Variants in CADPS2 observed in about 807,000 individuals in gnomAD.
The protein encoded by CADPS2 is calcium-dependent secretion activator 2.
A neutral mutation model predicts 172.5 loss-of-function variants in CADPS2; 93 were observed. That is an observed-to-expected ratio of 0.54 (90% confidence interval 0.46 to 0.64). The LOEUF (loss-of-function observed/expected upper bound fraction) is 0.64. CADPS2 is among the 30% of genes least tolerant of loss of function. CADPS2 has a pLI of 0.00. For synonymous variants in CADPS2, 546 were observed against 555.2 expected (o/e 0.98, Z 0.23); for missense variants, 1,420 against 1,565.9 (o/e 0.91, Z 1.57).
intron 2 of CADPS2, among the ~76,000 whole-genome samples, chr7:122,690,740 G>A: frequency 6.6e-6 from 1 of 152,090 alleles, no homozygotes; most frequent in Admixed American, 6.5e-5. Context: ...TCAATAAACT[G>A]CCCAGCTACA....
intron 6 of CADPS2, among the ~76,000 whole-genome samples, chr7:122,611,122 C>A (rs577856332): frequency 6.6e-5 from 10 of 152,142 alleles, no homozygotes; most frequent in African/African-American, 2.2e-4. Flanking sequence ...AAAGAAAGAT[C>A]TCAAATCAAA....
At chr7:122,719,957 A>G (rs1008373179) in intron 2 of CADPS2, among the ~76,000 whole-genome samples, 2 of 152,132 alleles carry the variant, frequency 1.3e-5, no homozygotes, top group African/African-American at 4.8e-5. Flanking sequence ...CAAAGAGGAA[A>G]GAACTTGCTC....
chr7:122,675,802 T>C (rs968397007), intron 2 of CADPS2, among the ~76,000 whole-genome samples: 2 of 151,832 alleles, frequency 1.3e-5, no homozygotes, highest in African/African-American at 4.8e-5. Flanking sequence ...GGGAACAACA[T>C]ACACCAGGGC....
chr7:122,422,447 A>G (rs909495113), intron 17 of CADPS2, among the ~76,000 whole-genome samples: 5 of 152,112 alleles, frequency 3.3e-5, no homozygotes, highest in Non-Finnish European at 7.4e-5. Context: ...GGTGGAATGG[A>G]TCCTTCCTTT....
At chr7:122,693,205 A>T (rs943938851) in intron 2 of CADPS2, among the ~76,000 whole-genome samples, 1 of 152,210 alleles carries the variant, frequency 6.6e-6, no homozygotes, top group Admixed American at 6.5e-5. Context: ...TGTTCTCTCC[A>T]TTAGAATGTC....
chr7:122,407,696 C>A lies in CADPS2; in HGVS notation c.2590G>T (p.Ala864Ser), dbSNP rs1268390975. The A allele has an allele frequency of 4.4e-6, 7 of 1,604,988 alleles. No homozygotes were observed. The highest frequency in any genetic ancestry group is 6.0e-6 in the Non-Finnish European group (7 of 1,175,720). ...AATAAATCAGGCCACCAGGCAAATGCCTACAAAAGGATAAAAACATAAAGG... is the reference window on the plus strand; with the variant it reads ...AATAAATCAGGCCACCAGGCAAATGACTACAAAAGGATAAAAACATAAAGG... ...NEEHHAEGRE[A>S]FAWWPDLLAE... The change falls in exon 20 of 30, where the codon GCA becomes TCA. Residue 864 changes from alanine (A) to serine (S), a missense_variant and splice_region_variant. Coordinates refer to ENST00000449022, the MANE Select transcript of CADPS2 (RefSeq NM_017954.11).
intron 25 of CADPS2, among the ~76,000 whole-genome samples, chr7:122,367,296 G>A (rs868489593): frequency 3.3e-5 from 5 of 151,138 alleles, no homozygotes; most frequent in East Asian, 3.9e-4. Context: ...GAGAGAAAGC[G>A]AGAGAGAGAG....
chr7:122,823,638 C>T (rs1346236561), intron 1 of CADPS2, among the ~76,000 whole-genome samples: 1 of 152,086 alleles, frequency 6.6e-6, no homozygotes, highest in Non-Finnish European at 1.5e-5. Context: ...AGTAGCAAGG[C>T]TCTATAATTA....
Position 122,452,839 on chromosome 7 carries a change from T to C in CADPS2, c.2187-1364A>G, listed in dbSNP as rs1265490627. On this transcript the variant is annotated intron_variant, in intron 14 of 29. Transcript: ENST00000449022. ...AAGAAAAATAAATGCTTAAAATAACTTTCCTAACAAGATTTTTATTTGTTC... is the reference window on the plus strand; with the variant it reads ...AAGAAAAATAAATGCTTAAAATAACCTTCCTAACAAGATTTTTATTTGTTC... 2.0e-5 allele frequency among the ~76,000 whole-genome samples: 3 copies of C among 152,210 alleles called. No individual in the cohort carries two copies. In the South Asian group the frequency reaches 6.2e-4, roughly 31 times the overall value.
intron 2 of CADPS2, among the ~76,000 whole-genome samples, chr7:122,693,348 G>T (rs2136092066): frequency 6.6e-6 from 1 of 152,254 alleles, no homozygotes; most frequent in Non-Finnish European, 1.5e-5. Context: ...ATGAGGAATA[G>T]AAATTTAACA....
At chr7:122,368,750 A>C (rs10258797) in intron 25 of CADPS2, among the ~76,000 whole-genome samples, 1 of 152,050 alleles carries the variant, frequency 6.6e-6, no homozygotes, top group Non-Finnish European at 1.5e-5. Context: ...ACTCTTCCAA[A>C]TCCAGCATTC....
chr7:122,512,005 T>A (rs1044849649), intron 9 of CADPS2, among the ~76,000 whole-genome samples: 21 of 151,920 alleles, frequency 1.4e-4, no homozygotes, highest in African/African-American at 5.1e-4. Flanking sequence ...ACAAACAAAT[T>A]AAATCTGTGT....
intron 5 of CADPS2, among the ~76,000 whole-genome samples, chr7:122,617,036 GAAT>G (rs1285073654): frequency 6.6e-6 from 1 of 152,140 alleles, no homozygotes; most frequent in Non-Finnish European, 1.5e-5. Context: ...TCATATTTCA[GAAT>G]ATTATTGTTG....
chr7:122,565,225 T>C (rs1051909354), intron 7 of CADPS2, among the ~76,000 whole-genome samples: 8 of 147,258 alleles, frequency 5.4e-5, no homozygotes, highest in African/African-American at 1.3e-4. Context: ...CCTGAATTTA[T>C]AGAATTAAAA....
chr7:122,519,430 A>G (rs960452456), intron 8 of CADPS2, among the ~76,000 whole-genome samples: 4 of 152,132 alleles, frequency 2.6e-5, no homozygotes, highest in Admixed American at 2.6e-4. Flanking sequence ...TTCTTCTTGC[A>G]TGGGATTAGG....
At chr7:122,638,078 C>T (rs2077247021) in intron 3 of CADPS2, among the ~76,000 whole-genome samples, 1 of 152,152 alleles carries the variant, frequency 6.6e-6, no homozygotes, top group Non-Finnish European at 1.5e-5. Context: ...GGAGAGAGAG[C>T]TGACAACCTC....
rs1007408014 is a variant in CADPS2 at position 122,509,447 on chromosome 7, A to C, written c.1542+3802T>G. 2.0e-5 allele frequency among the ~76,000 whole-genome samples: 3 copies of C among 152,298 alleles called. No homozygotes were observed. In the South Asian group the frequency reaches 6.2e-4, roughly 32 times the overall value. Reference sequence around the variant, plus strand: ...CAACAAGCAGTGAACACTTTGATACAGGGCCAAAACAACACAGACGTCTAC... The same window carrying C: ...CAACAAGCAGTGAACACTTTGATACCGGGCCAAAACAACACAGACGTCTAC... On this transcript the variant is annotated intron_variant, in intron 9 of 29. Transcript: ENST00000449022.
chr7:122,409,720 A>C, intron 19 of CADPS2: 1 of 440,542 alleles, frequency 2.3e-6, no homozygotes, highest in Non-Finnish European at 4.8e-6. Flanking sequence ...CTTGTCTACA[A>C]CCTGTCCCCT....
chr7:122,624,752 T>C (rs1024597533), intron 4 of CADPS2, among the ~76,000 whole-genome samples: 35 of 152,316 alleles, frequency 2.3e-4, no homozygotes, highest in Non-Finnish European at 1.0e-4. Context: ...CTCACAAATA[T>C]GCCAGCATGT....
Sources: allele counts gnomAD v4.1 joint callset (sites outside exome capture counted in the v4.1 genomes callset), GRCh38; gene constraint gnomAD v4.1.1; transcripts MANE v1.5; gene names NCBI Gene and HGNC (gene_info 2026-07-23, HGNC 2026-07-21).